The following MIS18A variants were observed in gnomAD, a reference collection of about 807,000 sequenced individuals.
MIS18A encodes protein Mis18-alpha.
Under a neutral mutation model 25.0 loss-of-function variants are expected in MIS18A, and 14 were observed. The ratio of observed to expected loss-of-function variants is 0.56; its 90% CI spans 0.37 to 0.88. The LOEUF (loss-of-function observed/expected upper bound fraction) is 0.88, where lower values mean the gene tolerates loss of function less well. Among genes scored for constraint, MIS18A ranks in the 40% least tolerant of loss-of-function variants. The pLI is 0.00. For missense variants in MIS18A, 292 were observed against 290.8 expected (o/e 1.00, Z -0.03); for synonymous variants, 134 against 118.6 (o/e 1.13, Z -0.84).
At chr21:32,201,471 G>A in the MIS18A span, among the ~76,000 whole-genome samples, 1 of 152,138 alleles carries the variant, frequency 6.6e-6, no homozygotes, top group South Asian at 2.1e-4. Flanking sequence ...CTCCAGTATT[G>A]ACATTTTGGG....
At chr21:32,213,166 G>A in the MIS18A span, among the ~76,000 whole-genome samples, 4 of 152,140 alleles carry the variant, frequency 2.6e-5, no homozygotes, top group Non-Finnish European at 5.9e-5. Flanking sequence ...CCCTTCTGGG[G>A]TTTAATCCTG....
rs1033839760 is a variant in MIS18A, at chr21:32,268,717, G to A, written c.*320C>T. Reference sequence around the variant, plus strand: ...CCAATTCCAACAAGTACCATAAAACGTCTTTAAAATGCGATTTTGAGAAAC... The same window carrying A: ...CCAATTCCAACAAGTACCATAAAACATCTTTAAAATGCGATTTTGAGAAAC... On this transcript the variant is annotated 3_prime_UTR_variant, in exon 5 of 5. Coordinates refer to ENST00000290130, the MANE Select transcript of MIS18A (RefSeq NM_018944.3). 5 of 187,324 alleles carry A rather than the reference G, an allele frequency of 2.7e-5. No individual in the cohort carries two copies. Among genetic ancestry groups the A allele is most frequent in the South Asian group, 1.9e-4 (1 of 5,162 alleles). The allele number at this position is 187,324 out of a possible 1,614,324, so 11.6% of individuals were successfully genotyped here.
At chr21:32,277,161 T>C (rs1446543221) in intron 1 of MIS18A, among the ~76,000 whole-genome samples, 1 of 152,200 alleles carries the variant, frequency 6.6e-6, no homozygotes, top group Non-Finnish European at 1.5e-5. Flanking sequence ...TAAATCCTAT[T>C]ATCTAAATCT....
chr21:32,161,057 C>T, the MIS18A span, among the ~76,000 whole-genome samples: 1 of 152,206 alleles, frequency 6.6e-6, no homozygotes, highest in African/African-American at 2.4e-5. Context: ...CAGTTCCCTG[C>T]ATGACTTTTC....
At chr21:32,165,056 G>A in the MIS18A span, among the ~76,000 whole-genome samples, 47 of 152,170 alleles carry the variant, frequency 3.1e-4, no homozygotes, top group Admixed American at 2.2e-3. Flanking sequence ...TTACTTGGCC[G>A]GGCACGGTGG....
the MIS18A span, among the ~76,000 whole-genome samples, chr21:32,196,039 G>C: frequency 1.3e-5 from 2 of 151,712 alleles, no homozygotes; most frequent in Non-Finnish European, 2.9e-5. Context: ...AAAAATTCTT[G>C]TCTGTCTGTG....
the MIS18A span, among the ~76,000 whole-genome samples, chr21:32,258,961 C>T: frequency 6.6e-6 from 1 of 152,018 alleles, no homozygotes; most frequent in Non-Finnish European, 1.5e-5. Context: ...GCAGCCTCGA[C>T]CTCCCAGGCT....
chr21:32,260,084 C>CTTTTTTT, the MIS18A span: 1 of 116,980 alleles, frequency 8.5e-6, no homozygotes, highest in African/African-American at 4.1e-5. Context: ...TTTTTCTCAG[C>CTTTTTTT]TTTTTTTTTT....
At chr21:32,201,949 G>C in the MIS18A span, among the ~76,000 whole-genome samples, 3 of 151,988 alleles carry the variant, frequency 2.0e-5, no homozygotes, top group Admixed American at 6.6e-5. Flanking sequence ...TTCAAGGAAG[G>C]CCATCAAAAT....
the MIS18A span, among the ~76,000 whole-genome samples, chr21:32,256,063 A>G: frequency 2.0e-5 from 3 of 152,130 alleles, no homozygotes; most frequent in Non-Finnish European, 2.9e-5. Flanking sequence ...ACTGATGTCT[A>G]CTTTTAGCGA....
chr21:32,257,900 A>C, the MIS18A span, among the ~76,000 whole-genome samples: 21 of 152,190 alleles, frequency 1.4e-4, 1 homozygote, highest in Non-Finnish European at 5.9e-5. Flanking sequence ...TAGTTGCCTG[A>C]GTTCACTTTA....
chr21:32,278,466 T>C (rs2031859803), intron 1 of MIS18A: 2 of 560,248 alleles, frequency 3.6e-6, no homozygotes, highest in South Asian at 4.8e-5. Flanking sequence ...TCTTCTGGGA[T>C]CGGGGACCCC....
the MIS18A span, among the ~76,000 whole-genome samples, chr21:32,170,001 T>C: frequency 6.6e-6 from 1 of 151,016 alleles, no homozygotes; most frequent in South Asian, 2.1e-4. Flanking sequence ...ATAGCCTATA[T>C]ATAGGAAAAA....
chr21:32,161,326 T>C, the MIS18A span, among the ~76,000 whole-genome samples: 1 of 152,196 alleles, frequency 6.6e-6, no homozygotes. Flanking sequence ...TTTGGTGACC[T>C]TGACAGTTAT....
the MIS18A span, among the ~76,000 whole-genome samples, chr21:32,251,425 C>T: frequency 6.6e-6 from 1 of 152,086 alleles, no homozygotes; most frequent in Non-Finnish European, 1.5e-5. Flanking sequence ...TTCTCCCACA[C>T]TCTCCCTCTT....
chr21:32,182,277 G>A, the MIS18A span, among the ~76,000 whole-genome samples: 2 of 152,188 alleles, frequency 1.3e-5, no homozygotes, highest in Non-Finnish European at 2.9e-5. Context: ...TAGATAGGGA[G>A]CAATAGCAGA....
chr21:32,168,341 A>G, the MIS18A span, among the ~76,000 whole-genome samples: 608 of 152,342 alleles, frequency 4.0e-3, 2 homozygotes, highest in Middle Eastern at 6.8e-3. Context: ...AAAAGAAAAT[A>G]AATGTCAACA....
chr21:32,175,667 C>T, the MIS18A span, among the ~76,000 whole-genome samples: 4 of 121,874 alleles, frequency 3.3e-5, no homozygotes, highest in Non-Finnish European at 5.1e-5. Context: ...AGTAGCTGGG[C>T]GTGATGGTGG....
At chr21:32,207,694 T>C in the MIS18A span, among the ~76,000 whole-genome samples, 1 of 152,166 alleles carries the variant, frequency 6.6e-6, no homozygotes, top group East Asian at 1.9e-4. Flanking sequence ...TTTCTTTTTT[T>C]TTTGGGTTAT....
Sources: gnomAD v4.1 joint callset for allele counts (sites outside exome capture counted in the v4.1 genomes callset) on GRCh38, gnomAD v4.1.1 for gene constraint, MANE v1.5 for transcripts, NCBI Gene and HGNC (gene_info 2026-07-23, HGNC 2026-07-21) for gene names.